Variants in PSD3 observed in about 807,000 individuals in gnomAD.
The protein encoded by PSD3 is pleckstrin and Sec7 domain containing 3, also known as PH and SEC7 domain-containing protein 3.
In PSD3, 49 loss-of-function variants were observed where a neutral mutation model predicts 105.5. The ratio of observed to expected loss-of-function variants is 0.46; its 90% CI spans 0.37 to 0.59. PSD3 has a LOEUF of 0.59. Among genes scored for constraint, PSD3 ranks in the 20% least tolerant of loss-of-function variants. The pLI, the probability that PSD3 is intolerant of heterozygous loss-of-function variation, is 0.00. For synonymous variants in PSD3, 557 were observed against 457.8 expected, an observed-to-expected ratio of 1.22 and a Z score of -2.77; for missense variants, 1,561 against 1,263.8, an observed-to-expected ratio of 1.24 and a Z score of -3.57.
At chr8:18,747,746 T>C (rs1585817505) in intron 9 of PSD3, among the ~76,000 whole-genome samples, 1 of 151,984 alleles carries the variant, frequency 6.6e-6, no homozygotes, top group Non-Finnish European at 1.5e-5. Flanking sequence ...GAATTACATG[T>C]GTACCAATGT....
chr8:18,710,237 G>C (rs1033870565), intron 9 of PSD3, among the ~76,000 whole-genome samples: 1 of 152,102 alleles, frequency 6.6e-6, no homozygotes, highest in African/African-American at 2.4e-5. Flanking sequence ...GTGGAGGAGA[G>C]AATCTCAGAG....
At chr8:18,909,368 C>T (rs1404084470) in intron 2 of PSD3, among the ~76,000 whole-genome samples, 1 of 152,174 alleles carries the variant, frequency 6.6e-6, no homozygotes, top group African/African-American at 2.4e-5. Flanking sequence ...GGTATAGGCA[C>T]TCACACACAA....
intron 8 of PSD3, among the ~76,000 whole-genome samples, chr8:18,789,786 A>G (rs1465817825): frequency 6.6e-6 from 1 of 152,240 alleles, no homozygotes; most frequent in South Asian, 2.1e-4. Context: ...TTCAGCCACC[A>G]TCATCCTCAT....
At position 18,930,648 on chromosome 8, in the gene PSD3, C is replaced by T. The variant is rs557704744; in HGVS notation, c.130+5386G>A. The stretch of plus-strand genomic sequence containing the variant: ...ACAGTGGTGCGATCTCAGCTCACTG[C>T]AACCCCCACCTCCCGGCTTCAACCG... On this transcript the variant is annotated intron_variant, in intron 2 of 15. Transcript: ENST00000327040. Among the ~76,000 whole-genome samples the T allele has an allele frequency of 2.0e-5, 3 of 150,970 alleles. No homozygotes were observed. In the South Asian group the frequency reaches 6.3e-4, roughly 32 times the overall value.
intron 11 of PSD3, among the ~76,000 whole-genome samples, chr8:18,603,915 C>T (rs1359423930): frequency 1.3e-5 from 2 of 152,178 alleles, no homozygotes; most frequent in Non-Finnish European, 2.9e-5. Flanking sequence ...CATCATGCTT[C>T]CTGTACAGCC....
intron 8 of PSD3, among the ~76,000 whole-genome samples, chr8:18,787,992 T>C (rs1809343771): frequency 6.6e-6 from 1 of 152,222 alleles, no homozygotes; most frequent in South Asian, 2.1e-4. Context: ...CTGTTACAGT[T>C]ATTCAACACT....
intron 4 of PSD3, among the ~76,000 whole-genome samples, chr8:18,860,643 A>T (rs1312250027): frequency 2.0e-5 from 3 of 152,154 alleles, no homozygotes; most frequent in African/African-American, 7.2e-5. Flanking sequence ...ACCTTCAGAG[A>T]ACAATTTACT....
intron 2 of PSD3, among the ~76,000 whole-genome samples, chr8:18,884,891 A>G (rs1818358226): frequency 6.6e-6 from 1 of 152,372 alleles, no homozygotes; most frequent in South Asian, 2.1e-4. Flanking sequence ...CACCGCATAC[A>G]GCATACCAAA....
intron 1 of PSD3, among the ~76,000 whole-genome samples, chr8:18,995,554 T>C (rs1826032462): frequency 6.6e-6 from 1 of 152,000 alleles, no homozygotes; most frequent in Non-Finnish European, 1.5e-5. Context: ...CCCTAAGATC[T>C]CTTTCTACTC....
intron 9 of PSD3, among the ~76,000 whole-genome samples, chr8:18,752,949 G>A (rs1402135807): frequency 1.3e-5 from 2 of 151,740 alleles, no homozygotes; most frequent in African/African-American, 4.8e-5. Context: ...TGCTCCAGGA[G>A]CAGGAATTCA....
At chr8:18,603,959 T>TG (rs1315682215) in intron 11 of PSD3, among the ~76,000 whole-genome samples, 1 of 152,220 alleles carries the variant, frequency 6.6e-6, no homozygotes. Flanking sequence ...CCTCTTTTCT[T>TG]ATAAATTACC....
At chr8:18,926,773 C>A (rs1233610401) in intron 2 of PSD3, among the ~76,000 whole-genome samples, 1 of 152,044 alleles carries the variant, frequency 6.6e-6, no homozygotes, top group Non-Finnish European at 1.5e-5. Flanking sequence ...CAGAGGATAC[C>A]AGCTAGTTGT....
At chr8:18,664,262 T>C (rs182978665) in intron 9 of PSD3, among the ~76,000 whole-genome samples, 3 of 152,204 alleles carry the variant, frequency 2.0e-5, no homozygotes, top group Admixed American at 2.0e-4. Flanking sequence ...AAGTTGTAAA[T>C]GAAAAGAAAA....
intron 9 of PSD3, among the ~76,000 whole-genome samples, chr8:18,688,237 G>C (rs1376145301): frequency 1.3e-5 from 2 of 150,380 alleles, no homozygotes; most frequent in African/African-American, 5.0e-5. Context: ...GCATGCACCT[G>C]GCACGATCAC....
At chr8:18,824,079 G>A (rs895334719) in intron 4 of PSD3, among the ~76,000 whole-genome samples, 3 of 152,082 alleles carry the variant, frequency 2.0e-5, no homozygotes, top group African/African-American at 4.8e-5. Context: ...AGGCTGAGGC[G>A]GGAAGAGCAC....
chr8:18,958,392 C>G (rs1254559711), intron 1 of PSD3, among the ~76,000 whole-genome samples: 1 of 152,128 alleles, frequency 6.6e-6, no homozygotes, highest in Non-Finnish European at 1.5e-5. Context: ...TTATCATACA[C>G]ATGTATTACT....
intron 2 of PSD3, among the ~76,000 whole-genome samples, chr8:18,899,374 T>C (rs1819354308): frequency 6.6e-6 from 1 of 152,166 alleles, no homozygotes; most frequent in African/African-American, 2.4e-5. Context: ...TGGATAAAGT[T>C]TTCTCCAGCA....
chr8:18,719,498 T>C (rs760831598), intron 9 of PSD3, among the ~76,000 whole-genome samples: 9 of 152,190 alleles, frequency 5.9e-5, no homozygotes, highest in Non-Finnish European at 1.3e-4. Context: ...AAAACAATAT[T>C]CATATTTGTA....
intron 2 of PSD3, among the ~76,000 whole-genome samples, chr8:18,875,946 C>G (rs1390855160): frequency 6.6e-6 from 1 of 152,192 alleles, no homozygotes; most frequent in African/African-American, 2.4e-5. Context: ...CTTTCTATCT[C>G]TATGAAATGG....
Sources: allele counts gnomAD v4.1 joint callset (sites outside exome capture counted in the v4.1 genomes callset), GRCh38; gene constraint gnomAD v4.1.1; transcripts MANE v1.5; gene names NCBI Gene and HGNC (gene_info 2026-07-23, HGNC 2026-07-21).